Variants in KSR1 observed in about 807,000 individuals in gnomAD.
KSR1 encodes the protein kinase suppressor of ras.
Under a neutral mutation model 92.9 loss-of-function variants are expected in KSR1, and 35 were observed. That is an observed-to-expected ratio of 0.38 (90% CI 0.29 to 0.50). KSR1 has a LOEUF of 0.50. KSR1 is among the 20% of genes least tolerant of loss of function. The pLI, the probability that KSR1 is intolerant of heterozygous loss-of-function variation, is 0.94. For missense variants in KSR1, 972 were observed against 1,158.5 expected (o/e 0.84, Z 2.34); for synonymous variants, 467 against 472.6 (o/e 0.99, Z 0.15).
At chr17:27,602,772 A>T (rs1567877263) in intron 11 of KSR1, among the ~76,000 whole-genome samples, 1 of 152,214 alleles carries the variant, frequency 6.6e-6, no homozygotes, top group African/African-American at 2.4e-5. Flanking sequence ...GAGGCTTCTA[A>T]GGTTCTGATC....
At chr17:27,610,794 A>G (rs189632388) in intron 17 of KSR1, among the ~76,000 whole-genome samples, 119 of 152,342 alleles carry the variant, frequency 7.8e-4, no homozygotes, top group Admixed American at 1.6e-3. Flanking sequence ...TTAATAAGAT[A>G]TTTTATATTC....
rs2151281353 is a variant in KSR1 at position 27,625,060 on chromosome 17, T to C, written c.*1668T>C. 6.6e-6 allele frequency: 1 copy of C among 152,462 alleles called. No homozygotes were observed. Among genetic ancestry groups the C allele is most frequent in the Middle Eastern group, 3.4e-3 (1 of 294 alleles). 9.4% of individuals were successfully genotyped at this position (152,462 alleles called of 1,614,324 possible). On this transcript the variant is annotated 3_prime_UTR_variant, in exon 21 of 21. Coordinates refer to ENST00000644974, the MANE Select transcript of KSR1 (RefSeq NM_001394583.1). The stretch of plus-strand genomic sequence containing the variant: ...TAAACCCCGTGGATTCAGCTCCGTG[T>C]GGAGTTTCTGTGCTATGGTGGGACT...
chr17:27,559,692 G>C lies in KSR1; in HGVS notation c.372+8984G>C, dbSNP rs1000818300. 3.3e-5 allele frequency among the ~76,000 whole-genome samples: 5 copies of C among 152,264 alleles called. No individual in the cohort carries two copies. The highest frequency in any genetic ancestry group is 5.9e-5 in the Non-Finnish European group (4 of 68,044). On this transcript the variant is annotated intron_variant, in intron 2 of 20. Coordinates refer to ENST00000644974, the MANE Select transcript of KSR1 (RefSeq NM_001394583.1). This position sits in a 1 kb window ranked among gnomAD's most constrained non-coding sequence, Gnocchi z 4.2. The stretch of plus-strand genomic sequence containing the variant: ...CCCTGATGGCTCCGGGATGGGATCT[G>C]TTGGAGCCAGTGGGCCAACTCATCC...
intron 2 of KSR1, among the ~76,000 whole-genome samples, chr17:27,554,743 C>A (rs1464193749): frequency 6.6e-6 from 1 of 152,168 alleles, no homozygotes; most frequent in Non-Finnish European, 1.5e-5. Flanking sequence ...CTCTGGAAAC[C>A]ATCCCCCGCT....
chr17:27,616,746 G>A (rs1362147655), intron 18 of KSR1, among the ~76,000 whole-genome samples: 2 of 152,194 alleles, frequency 1.3e-5, no homozygotes, highest in African/African-American at 4.8e-5. Flanking sequence ...TACACATGTG[G>A]ATCCTGAGAG....
chr17:27,463,489 C>T, intron 1 of KSR1, among the ~76,000 whole-genome samples: 1 of 149,996 alleles, frequency 6.7e-6, no homozygotes, highest in South Asian at 2.1e-4. Context: ...AAAAAAGAGG[C>T]TGGACATGGT....
intron 19 of KSR1, among the ~76,000 whole-genome samples, chr17:27,620,516 C>T (rs940624606): frequency 1.3e-5 from 2 of 152,154 alleles, no homozygotes; most frequent in African/African-American, 4.8e-5. Context: ...TGAATGTGAG[C>T]AAAGGGTGAT....
intron 5 of KSR1, chr17:27,588,057 T>G (rs1390753455): frequency 6.5e-6 from 1 of 153,510 alleles, no homozygotes; most frequent in Non-Finnish European, 1.4e-5. Context: ...GTAAACAGCT[T>G]CAGCCATTTA....
intron 1 of KSR1, among the ~76,000 whole-genome samples, chr17:27,487,818 G>A (rs576337625): frequency 1.7e-4 from 26 of 152,064 alleles, no homozygotes; most frequent in Non-Finnish European, 2.6e-4. Context: ...GACAGAGACC[G>A]AGAGAGGAGG....
chr17:27,493,814 G>A (rs564719848), intron 1 of KSR1, among the ~76,000 whole-genome samples: 3 of 152,314 alleles, frequency 2.0e-5, no homozygotes, highest in African/African-American at 7.2e-5. Flanking sequence ...GTTATATTCA[G>A]TAGCAGAGCT....
intron 4 of KSR1, among the ~76,000 whole-genome samples, chr17:27,584,809 G>A (rs1319728940): frequency 1.3e-5 from 2 of 152,186 alleles, no homozygotes; most frequent in African/African-American, 4.8e-5. Context: ...TGTGTTCTCA[G>A]GGGCAGTGGC....
intron 17 of KSR1, chr17:27,611,272 C>G: frequency 7.1e-6 from 4 of 562,450 alleles, no homozygotes; most frequent in South Asian, 2.2e-5. Context: ...CCGGTCAAAC[C>G]TGCGCTGTCT....
chr17:27,609,989 G>C, intron 16 of KSR1, 78 bp from the exon 17 acceptor site: 1 of 1,575,158 alleles, frequency 6.3e-7, no homozygotes, highest in East Asian at 2.2e-5. Context: ...GCCGGCCCTG[G>C]GGCAGACCTG....
intron 18 of KSR1, among the ~76,000 whole-genome samples, chr17:27,615,182 C>T (rs140242077): frequency 7.7e-4 from 117 of 152,318 alleles, no homozygotes; most frequent in Non-Finnish European, 1.3e-3. Context: ...TCTGGCACTC[C>T]GTTATTTCTG....
chr17:27,570,278 G>A (rs1171896752), intron 2 of KSR1, among the ~76,000 whole-genome samples: 1 of 152,198 alleles, frequency 6.6e-6, no homozygotes, highest in Non-Finnish European at 1.5e-5. Flanking sequence ...ACAAGGGCTG[G>A]CTGGTGGTGG....
At chr17:27,568,615 C>A (rs992197304) in intron 2 of KSR1, among the ~76,000 whole-genome samples, 2 of 152,138 alleles carry the variant, frequency 1.3e-5, no homozygotes, top group Non-Finnish European at 2.9e-5. Context: ...ACCCAGGAAC[C>A]CCTGTTTAGT....
At chr17:27,573,031 T>C (rs1486510686) in intron 2 of KSR1, among the ~76,000 whole-genome samples, 2 of 152,236 alleles carry the variant, frequency 1.3e-5, no homozygotes, top group African/African-American at 2.4e-5. Flanking sequence ...GAGTACTTGC[T>C]ACTGGGCCTG....
intron 1 of KSR1, among the ~76,000 whole-genome samples, chr17:27,469,164 G>A (rs575969479): frequency 8.5e-5 from 13 of 152,284 alleles, no homozygotes; most frequent in African/African-American, 3.1e-4. Flanking sequence ...ACCTGTAAAA[G>A]TCTTCCTTGC....
intron 1 of KSR1, among the ~76,000 whole-genome samples, chr17:27,477,031 G>T (rs1411438825): frequency 2.0e-5 from 3 of 152,200 alleles, no homozygotes; most frequent in Non-Finnish European, 2.9e-5. Flanking sequence ...CTAAATAAAG[G>T]GTAGATTATT....
Sources: allele counts gnomAD v4.1 joint callset (sites outside exome capture counted in the v4.1 genomes callset), GRCh38; gene constraint gnomAD v4.1.1; non-coding constraint Gnocchi (gnomAD v3.1); transcripts MANE v1.5; gene names NCBI Gene and HGNC (gene_info 2026-07-23, HGNC 2026-07-21).